EPB41L3: variants seen among roughly 807,000 people sequenced by gnomAD.
The protein encoded by EPB41L3 is erythrocyte membrane protein band 4.1 like 3.
A neutral mutation model predicts 127.1 loss-of-function variants in EPB41L3; 57 were observed. That is an observed-to-expected ratio of 0.45 (90% CI 0.36 to 0.56). EPB41L3 has a LOEUF of 0.56. EPB41L3 is among the 20% of genes least tolerant of loss of function. The pLI is 0.00. For synonymous variants in EPB41L3, 572 were observed against 549.5 expected, an observed-to-expected ratio of 1.04 and a Z score of -0.57; for missense variants, 1,273 against 1,372.2, an observed-to-expected ratio of 0.93 and a Z score of 1.14.
At chr18:5,546,478 C>T (rs146349437), upstream of EPB41L3, among the ~76,000 whole-genome samples, 806 of 151,374 alleles carry the variant, frequency 5.3e-3, 3 homozygotes, top group African/African-American at 0.019. Context: ...TGCAGTGAGC[C>T]GAGATCTCAC....
At chr18:5,558,759 A>G (rs2094077685) in intron 3 of EPB41L3, among the ~76,000 whole-genome samples, 1 of 152,232 alleles carries the variant, frequency 6.6e-6, no homozygotes, top group Non-Finnish European at 1.5e-5. Flanking sequence ...AATTGTGCCT[A>G]ACACATAGTA....
chr18:5,569,051 C>T (rs2094244376), intron 3 of EPB41L3, among the ~76,000 whole-genome samples: 1 of 152,202 alleles, frequency 6.6e-6, no homozygotes, highest in Non-Finnish European at 1.5e-5. Flanking sequence ...TTTGATTGGA[C>T]AATGTTTCCT....
At position 5,489,117 on chromosome 18, in the gene EPB41L3, C is replaced by T; in HGVS notation, c.67G>A (p.Ala23Thr). ...PDQEAEPQEA[A>T]GAQGRAGAPV... ...GCCCCCGCGCGCCCCTGCGCCCCCGCCGCCTCCTGGGGCTCGGCCTCCTGG... is the reference window on the plus strand; with the variant it reads ...GCCCCCGCGCGCCCCTGCGCCCCCGTCGCCTCCTGGGGCTCGGCCTCCTGG... The change falls in exon 2 of 23, where the codon GCG (alanine) becomes ACG (threonine). Residue 23 changes from alanine to threonine, a missense_variant. Physicochemically the swap from Ala to Thr is moderately conservative, Grantham distance 58 (BLOSUM62 0). Transcript: ENST00000341928. 1.3e-6 allele frequency: 2 copies of T among 1,595,146 alleles called. No homozygotes were observed. The highest frequency in any genetic ancestry group is 2.3e-5 in the East Asian group (1 of 43,838).
intron 1 of EPB41L3, among the ~76,000 whole-genome samples, chr18:5,497,414 G>A (rs1229712166): frequency 6.6e-6 from 1 of 152,154 alleles, no homozygotes; most frequent in South Asian, 2.1e-4. Flanking sequence ...GTGAGGGAAC[G>A]AAGGTAAGTG....
intron 3 of EPB41L3, among the ~76,000 whole-genome samples, chr18:5,469,722 C>G (rs573956530): frequency 1.3e-5 from 2 of 152,206 alleles, no homozygotes; most frequent in East Asian, 3.9e-4. Flanking sequence ...CAAGTCCACG[C>G]TGGAGACAAA....
chr18:5,597,355 G>C (rs2094547030), intron 3 of EPB41L3, among the ~76,000 whole-genome samples: 1 of 152,076 alleles, frequency 6.6e-6, no homozygotes, highest in Non-Finnish European at 1.5e-5. Flanking sequence ...ACTCCCTTAG[G>C]AGCAGCCTCC....
chr18:5,430,037 C>T (rs1033521512), intron 8 of EPB41L3, among the ~76,000 whole-genome samples: 3 of 152,164 alleles, frequency 2.0e-5, no homozygotes. Flanking sequence ...TACCTTTAAC[C>T]TACTGAGGGA....
At chr18:5,403,590 CA>C (rs199992647) in intron 16 of EPB41L3, among the ~76,000 whole-genome samples, 2,355 of 102,618 alleles carry the variant, frequency 0.023, 42 homozygotes, top group African/African-American at 0.061. Flanking sequence ...TCACTGAGAC[CA>C]AAAAAAAAAA....
intron 3 of EPB41L3, among the ~76,000 whole-genome samples, chr18:5,448,225 A>G (rs143226134): frequency 0.011 from 1,717 of 152,308 alleles, 17 homozygotes; most frequent in Non-Finnish European, 0.02. Context: ...CAGATCGGGC[A>G]TCAGCATCCT....
At chr18:5,454,217 T>TTG (rs2082709605) in intron 3 of EPB41L3, among the ~76,000 whole-genome samples, 1 of 151,078 alleles carries the variant, frequency 6.6e-6, no homozygotes, top group South Asian at 2.1e-4. Flanking sequence ...TTGTTTTTTT[T>TTG]TTTTTTTTTT....
At chr18:5,405,647 C>A (rs1477458640) in intron 16 of EPB41L3, among the ~76,000 whole-genome samples, 1 of 151,976 alleles carries the variant, frequency 6.6e-6, no homozygotes, top group Non-Finnish European at 1.5e-5. Context: ...AAAAAATTAG[C>A]CAAGTGTGGT....
intron 1 of EPB41L3, among the ~76,000 whole-genome samples, chr18:5,501,100 C>A (rs2091705639): frequency 6.6e-6 from 1 of 151,946 alleles, no homozygotes; most frequent in South Asian, 2.1e-4. Context: ...ACTCACACAG[C>A]ATGAATAATG....
chr18:5,520,419 C>A (rs1384754027), intron 1 of EPB41L3, among the ~76,000 whole-genome samples: 1 of 152,130 alleles, frequency 6.6e-6, no homozygotes, highest in Non-Finnish European at 1.5e-5. Context: ...CAGCTTTTCA[C>A]TATGTTACAC....
intron 5 of EPB41L3, among the ~76,000 whole-genome samples, chr18:5,442,662 A>G (rs889099706): frequency 6.6e-6 from 1 of 152,238 alleles, no homozygotes; most frequent in Admixed American, 6.5e-5. Context: ...TTCTTTAACT[A>G]GAATTAGTTG....
chr18:5,493,479 T>C (rs1297457720), intron 1 of EPB41L3, among the ~76,000 whole-genome samples: 1 of 152,108 alleles, frequency 6.6e-6, no homozygotes, highest in Admixed American at 6.5e-5. Flanking sequence ...GACTATAGAG[T>C]ACTATCCACC....
At chr18:5,416,462 T>C (rs893129638) in intron 12 of EPB41L3, 84 bp from the exon 13 acceptor site, 10 of 1,372,608 alleles carry the variant, frequency 7.3e-6, no homozygotes, top group Non-Finnish European at 9.7e-6. Flanking sequence ...TAGTTAATTT[T>C]CTTATGGGTA....
At chr18:5,604,241 T>C (rs4798376) in intron 3 of EPB41L3, among the ~76,000 whole-genome samples, 41,907 of 150,946 alleles carry the variant, frequency 0.28, 6,065 homozygotes, top group East Asian at 0.53. Flanking sequence ...ATCTCCTTGG[T>C]ATTTGACTTA....
intron 11 of EPB41L3, among the ~76,000 whole-genome samples, chr18:5,423,151 G>A (rs528387473): frequency 6.6e-6 from 1 of 152,186 alleles, no homozygotes; most frequent in African/African-American, 2.4e-5. Context: ...CATTCCCGAA[G>A]TGCCATTCTT....
At chr18:5,514,925 G>A (rs550178371) in intron 1 of EPB41L3, among the ~76,000 whole-genome samples, 1 of 152,268 alleles carries the variant, frequency 6.6e-6, no homozygotes, top group African/African-American at 2.4e-5. Context: ...ATGCTGAATA[G>A]TCAAATATTT....
Sources: allele counts gnomAD v4.1 joint callset (sites outside exome capture counted in the v4.1 genomes callset), GRCh38; gene constraint gnomAD v4.1.1; transcripts MANE v1.5; gene names NCBI Gene and HGNC (gene_info 2026-07-23, HGNC 2026-07-21).